Variants in AGAP1 observed in about 807,000 individuals in gnomAD.
AGAP1 encodes the protein arf-GAP with GTPase, ANK repeat and PH domain-containing protein 1.
In AGAP1, 29 loss-of-function variants were observed where a neutral mutation model predicts 105.3. The ratio of observed to expected loss-of-function variants is 0.28; its 90% CI spans 0.21 to 0.38. The LOEUF (loss-of-function observed/expected upper bound fraction) is 0.38. AGAP1 is among the 10% of genes least tolerant of loss of function. The probability of loss-of-function intolerance (pLI) is 1.00; values close to 1 mark genes in which losing one functional copy is unlikely to be tolerated. For synonymous variants in AGAP1, 509 were observed against 485.9 expected (o/e 1.05, Z -0.63); for missense variants, 998 against 1,165.1 (o/e 0.86, Z 2.09).
At position 235,873,923 on chromosome 2, in the gene AGAP1, T is replaced by G. The variant is rs1275866301; in HGVS notation, c.1051-9422T>G. ...GTGTATTTTTTTGTAGAGACGGGGT[T>G]TCAACTTGTTGCCCAGGCTGGTCTC... On this transcript the variant is annotated intron_variant, in intron 9 of 17. Transcript: ENST00000304032. Among the ~76,000 whole-genome samples the G allele has an allele frequency of 2.0e-5, 3 of 152,228 alleles. No individual in the cohort carries two copies. The East Asian group carries it at 5.8e-4, about 29-fold the overall frequency.
chr2:235,746,382 T>TC (rs748449374), intron 5 of AGAP1, among the ~76,000 whole-genome samples: 11 of 51,288 alleles, frequency 2.1e-4, no homozygotes, highest in Non-Finnish European at 4.0e-4. Flanking sequence ...CCCAACTTTT[T>TC]TTTTTTTTTT....
chr2:235,748,656 C>T (rs1253816036), intron 5 of AGAP1, among the ~76,000 whole-genome samples: 3 of 152,092 alleles, frequency 2.0e-5, no homozygotes, highest in African/African-American at 2.4e-5. Context: ...AAGAAAATAA[C>T]ATGAGAAAAG....
chr2:236,071,273 A>G (rs1576228983), intron 16 of AGAP1, among the ~76,000 whole-genome samples: 1 of 152,306 alleles, frequency 6.6e-6, no homozygotes, highest in African/African-American at 2.4e-5. Flanking sequence ...GAGACCATAA[A>G]AGGGGTTTGT....
chr2:235,966,910 T>A (rs539914182), intron 12 of AGAP1, among the ~76,000 whole-genome samples: 1 of 152,312 alleles, frequency 6.6e-6, no homozygotes, highest in South Asian at 2.1e-4. Flanking sequence ...TACCTTAAAT[T>A]GTGTGTTTGT....
At chr2:235,541,605 G>T (rs1476969826) in intron 1 of AGAP1, among the ~76,000 whole-genome samples, 1 of 151,582 alleles carries the variant, frequency 6.6e-6, no homozygotes, top group Non-Finnish European at 1.5e-5. Flanking sequence ...TAGCCAGGAT[G>T]GTCTCGATCT....
chr2:235,706,254 T>C (rs1950527703), intron 1 of AGAP1, among the ~76,000 whole-genome samples: 1 of 152,230 alleles, frequency 6.6e-6, no homozygotes, highest in African/African-American at 2.4e-5. Context: ...AGATGGAGTC[T>C]CGCTCTGTCG....
intron 12 of AGAP1, among the ~76,000 whole-genome samples, chr2:235,949,186 C>G (rs905161189): frequency 8.5e-5 from 13 of 152,166 alleles, no homozygotes; most frequent in Non-Finnish European, 1.8e-4. Flanking sequence ...TTCATACATG[C>G]ACGTTGAGTT....
rs1022823709 is a variant in AGAP1, at chr2:235,631,404, G to T, written c.164-77775G>T. On this transcript the variant is annotated intron_variant, in intron 1 of 17. Coordinates refer to ENST00000304032, the MANE Select transcript of AGAP1 (RefSeq NM_001037131.3). This position sits in a 1 kb window ranked among gnomAD's most constrained non-coding sequence, Gnocchi z 5.4. ...GCTAGCCAAGGAGAGGCCACGAGGC[G>T]GGAGAGCCAAGGAGGACAGCCTCCG... is the stretch of plus-strand genomic sequence containing the variant. Among the ~76,000 whole-genome samples, 1 of 152,294 alleles carries T rather than the reference G, an allele frequency of 6.6e-6. No individual in the cohort carries two copies. Among genetic ancestry groups the T allele is most frequent in the East Asian group, 1.9e-4 (1 of 5,162 alleles).
intron 9 of AGAP1, among the ~76,000 whole-genome samples, chr2:235,861,350 G>A (rs547260826): frequency 2.0e-3 from 311 of 152,266 alleles, no homozygotes; most frequent in African/African-American, 7.0e-3. Flanking sequence ...CAGAAGTGCC[G>A]TTTTGACCAC....
chr2:235,709,184 T>A lies in AGAP1; in HGVS notation c.169T>A (p.Phe57Ile). The A allele has an allele frequency of 6.2e-7, 1 of 1,614,108 alleles. No homozygotes were observed. The highest frequency in any genetic ancestry group is 8.5e-7 in the Non-Finnish European group (1 of 1,180,020). Residue 57 changes from phenylalanine to isoleucine, a missense_variant, in exon 2 of 18, where the codon TTC (phenylalanine) becomes ATC (isoleucine). Phe to Ile is a conservative substitution (Grantham distance 21). This residue lies in a region of AGAP1 where 735 missense variants were observed against 833.4 expected (regional missense o/e 0.88). Transcript: ENST00000304032. ...REHVIAIEDAFVNSQEWTLSR... is the reference protein window; with the variant it reads ...REHVIAIEDAIVNSQEWTLSR... ...TGTGTCCTCCTCTTTTTCAGATGCC[T>A]TCGTGAACAGCCAGGAATGGACGCT...
chr2:235,872,454 C>T lies in AGAP1; in HGVS notation c.1051-10891C>T, dbSNP rs2049491891. 6.6e-6 allele frequency among the ~76,000 whole-genome samples: 1 copy of T among 152,040 alleles called. No individual in the cohort carries two copies. The highest frequency in any genetic ancestry group is 1.5e-5 in the Non-Finnish European group (1 of 68,022). On this transcript the variant is annotated intron_variant, in intron 9 of 17. Coordinates refer to ENST00000304032, the MANE Select transcript of AGAP1 (RefSeq NM_001037131.3). This position sits in a 1 kb window ranked among gnomAD's most constrained non-coding sequence, Gnocchi z 4.5. Reference sequence around the variant, plus strand: ...GTGACATGCCACCATGCCGCTGGCCCTGGGTTATGCAGAATCAAAAAGACT... The same window carrying T: ...GTGACATGCCACCATGCCGCTGGCCTTGGGTTATGCAGAATCAAAAAGACT...
rs1365607523 is a variant in AGAP1, at chr2:235,600,034, G to C, written c.163+105185G>C. On this transcript the variant is annotated intron_variant, in intron 1 of 17. Coordinates refer to ENST00000304032, the MANE Select transcript of AGAP1 (RefSeq NM_001037131.3). The surrounding 1 kb of genome is among the most constrained non-coding windows in gnomAD (Gnocchi z 4.8). ...CAAACTGCAGCCACAGTAAACTTCAGGGTGTCAACTTCAGGGGAATATAAA... is the reference window on the plus strand; with the variant it reads ...CAAACTGCAGCCACAGTAAACTTCACGGTGTCAACTTCAGGGGAATATAAA... 5.3e-5 allele frequency among the ~76,000 whole-genome samples: 8 copies of C among 152,290 alleles called. No individual in the cohort carries two copies. The East Asian group carries it at 1.3e-3, about 26-fold the overall frequency.
At chr2:235,708,148 T>C (rs1950647641) in intron 1 of AGAP1, among the ~76,000 whole-genome samples, 1 of 152,268 alleles carries the variant, frequency 6.6e-6, no homozygotes, top group Admixed American at 6.5e-5. Context: ...AGGCATCTTA[T>C]GAATCAGGTC....
At position 235,549,698 on chromosome 2, in the gene AGAP1, C is replaced by T. The variant is rs1319778207; in HGVS notation, c.163+54849C>T. On this transcript the variant is annotated intron_variant, in intron 1 of 17. Coordinates refer to ENST00000304032, the MANE Select transcript of AGAP1 (RefSeq NM_001037131.3). The surrounding 1 kb of genome is among the most constrained non-coding windows in gnomAD (Gnocchi z 4.2). ...TTAGCACCTGGCAAATGTATTGATA[C>T]TTTACGAGCATTCACATGCATTTAA... 2.0e-5 allele frequency among the ~76,000 whole-genome samples: 3 copies of T among 152,248 alleles called. No individual in the cohort carries two copies. In the East Asian group the frequency reaches 5.8e-4, roughly 29 times the overall value.
rs906842797 is a variant in AGAP1, at chr2:235,566,131, G to T, written c.163+71282G>T. Among the ~76,000 whole-genome samples, 1 of 151,494 alleles carries T rather than the reference G, an allele frequency of 6.6e-6. No individual in the cohort carries two copies. The highest frequency in any genetic ancestry group is 1.5e-5 in the Non-Finnish European group (1 of 67,926). On this transcript the variant is annotated intron_variant, in intron 1 of 17. Coordinates refer to ENST00000304032, the MANE Select transcript of AGAP1 (RefSeq NM_001037131.3). The surrounding 1 kb of genome is among the most constrained non-coding windows in gnomAD (Gnocchi z 5.2). ...ATTTGAGGTGGAGTTTCACTCTGTC[G>T]CCCAGGCTAGAGTGCAGTGGCGCAA... is the stretch of plus-strand genomic sequence containing the variant.
Position 236,114,158 on chromosome 2 carries a change from C to G in AGAP1, c.2115-6034C>G, listed in dbSNP as rs1340987717. Among the ~76,000 whole-genome samples the G allele has an allele frequency of 6.6e-6, 1 of 152,082 alleles. No homozygotes were observed. Among genetic ancestry groups the G allele is most frequent in the African/African-American group, 2.4e-5 (1 of 41,416 alleles). On this transcript the variant is annotated intron_variant, in intron 16 of 17. Coordinates refer to ENST00000304032, the MANE Select transcript of AGAP1 (RefSeq NM_001037131.3). This position sits in a 1 kb window ranked among gnomAD's most constrained non-coding sequence, Gnocchi z 5.0. The stretch of plus-strand genomic sequence containing the variant: ...AACGGAGGCTGTGAACGGTGATCCT[C>G]CCGGGGATTGGAATGAGGGGAGGTG...
intron 1 of AGAP1, among the ~76,000 whole-genome samples, chr2:235,571,963 CAT>C (rs1278200342): frequency 1.1e-4 from 4 of 37,242 alleles, no homozygotes; most frequent in Non-Finnish European, 1.0e-4. Flanking sequence ...TGTGTGTATA[CAT>C]ATATATGTAT....
intron 1 of AGAP1, among the ~76,000 whole-genome samples, chr2:235,604,328 T>G (rs2149242159): frequency 6.6e-6 from 1 of 151,866 alleles, no homozygotes; most frequent in African/African-American, 2.4e-5. Context: ...ACAGATTTTT[T>G]TTAATTAGCT....
At chr2:235,952,187 T>C (rs80109996) in intron 12 of AGAP1, among the ~76,000 whole-genome samples, 1,709 of 152,214 alleles carry the variant, frequency 0.011, 27 homozygotes, top group African/African-American at 0.039. Context: ...GCTGATAATA[T>C]CTAGTTTTCA....
Sources: gnomAD v4.1 joint callset for allele counts (sites outside exome capture counted in the v4.1 genomes callset) on GRCh38, gnomAD v4.1.1 for gene constraint, gnomAD v4.1.1 regional missense constraint, Gnocchi (gnomAD v3.1) non-coding constraint, MANE v1.5 for transcripts, NCBI Gene and HGNC (gene_info 2026-07-23, HGNC 2026-07-21) for gene names.